The following MKLN1 variants were observed in gnomAD, a reference collection of about 807,000 sequenced individuals.
The protein encoded by MKLN1 is muskelin 1, also known as muskelin.
In MKLN1, 18 loss-of-function variants were observed where a neutral mutation model predicts 99.0. That is an observed-to-expected ratio of 0.18 (90% confidence interval 0.13 to 0.27). MKLN1 has a LOEUF of 0.27. MKLN1 is among the 10% of genes least tolerant of loss of function. The pLI, the probability that MKLN1 is intolerant of heterozygous loss-of-function variation, is 1.00. For missense variants in MKLN1, 621 were observed against 875.9 expected, an observed-to-expected ratio of 0.71 and a Z score of 3.67; for synonymous variants, 288 against 293.2, an observed-to-expected ratio of 0.98 and a Z score of 0.18.
At chr7:131,426,610 A>G (rs945141525) in intron 8 of MKLN1, among the ~76,000 whole-genome samples, 1 of 152,176 alleles carries the variant, frequency 6.6e-6, no homozygotes, top group African/African-American at 2.4e-5. Context: ...TACAGTGCCA[A>G]AAGTGTTTTA....
At chr7:131,209,981 G>A (rs1286842695) in intron 3 of MKLN1, among the ~76,000 whole-genome samples, 2 of 152,160 alleles carry the variant, frequency 1.3e-5, no homozygotes, top group Non-Finnish European at 2.9e-5. Flanking sequence ...TAGTATAGAT[G>A]AGCAGCTGGG....
intron 6 of MKLN1, among the ~76,000 whole-genome samples, chr7:131,400,407 T>C (rs1794497941): frequency 6.6e-6 from 1 of 151,642 alleles, no homozygotes; most frequent in Admixed American, 6.6e-5. Context: ...TGATTGATGA[T>C]GATACTTGCA....
intron 3 of MKLN1, among the ~76,000 whole-genome samples, chr7:131,308,053 A>G (rs1380832966): frequency 1.3e-5 from 2 of 152,140 alleles, no homozygotes; most frequent in Admixed American, 6.5e-5. Context: ...TGCTCTTCTC[A>G]TGATGTGAGT....
intron 1 of MKLN1, among the ~76,000 whole-genome samples, chr7:131,346,520 CAAAA>C (rs57016059): frequency 2.2e-5 from 3 of 137,954 alleles, no homozygotes; most frequent in Admixed American, 7.2e-5. Context: ...GACTCAGTCT[CAAAA>C]AAAAAAAAAA....
chr7:131,144,467 G>A (rs1382702350), intron 2 of MKLN1, among the ~76,000 whole-genome samples: 4 of 146,596 alleles, frequency 2.7e-5, no homozygotes, highest in Non-Finnish European at 6.0e-5. Context: ...GGGTGACAGA[G>A]CAGGACTGTG....
At chr7:131,451,600 T>C (rs1423590821) in intron 12 of MKLN1, among the ~76,000 whole-genome samples, 2 of 152,310 alleles carry the variant, frequency 1.3e-5, no homozygotes, top group East Asian at 3.9e-4. Context: ...TAAACTACAG[T>C]GTAACAATTT....
At chr7:131,156,142 C>T (rs1263434194) in intron 2 of MKLN1, among the ~76,000 whole-genome samples, 1 of 152,046 alleles carries the variant, frequency 6.6e-6, no homozygotes, top group East Asian at 1.9e-4. Context: ...GCGGGTTTTG[C>T]TATTATTTTA....
At chr7:131,355,428 T>TAA (rs1799843740) in intron 1 of MKLN1, among the ~76,000 whole-genome samples, 1 of 151,886 alleles carries the variant, frequency 6.6e-6, no homozygotes, top group South Asian at 2.1e-4. Context: ...TTGCATTTTT[T>TAA]CCAGGTTTAC....
chr7:131,313,949 A>C (rs1465271193), intron 3 of MKLN1, among the ~76,000 whole-genome samples: 1 of 152,364 alleles, frequency 6.6e-6, no homozygotes, highest in South Asian at 2.1e-4. Context: ...GGGAAACTCC[A>C]TGGGACTGGG....
chr7:131,375,149 TTAGTG>T (rs1272036660), intron 1 of MKLN1, among the ~76,000 whole-genome samples: 3 of 152,128 alleles, frequency 2.0e-5, no homozygotes, highest in East Asian at 1.9e-4. Flanking sequence ...ATTTTGTCAC[TTAGTG>T]TAAAGTATTA....
At chr7:131,235,154 G>C (rs1025400968) in intron 3 of MKLN1, among the ~76,000 whole-genome samples, 12 of 152,042 alleles carry the variant, frequency 7.9e-5, no homozygotes, top group Non-Finnish European at 1.8e-4. Flanking sequence ...GACGTAGCTA[G>C]AAAGTCAATC....
At chr7:131,244,491 T>C (rs1242269391) in intron 3 of MKLN1, among the ~76,000 whole-genome samples, 1 of 152,082 alleles carries the variant, frequency 6.6e-6, no homozygotes, top group Non-Finnish European at 1.5e-5. Flanking sequence ...CCTCACTCAT[T>C]AGCGGAACTC....
At chr7:131,183,323 G>A (rs1405479796) in intron 2 of MKLN1, among the ~76,000 whole-genome samples, 1 of 152,158 alleles carries the variant, frequency 6.6e-6, no homozygotes, top group African/African-American at 2.4e-5. Context: ...TGAGACTTAA[G>A]TGCTTTCTGA....
chr7:131,223,841 A>T (rs1797097116), intron 3 of MKLN1, among the ~76,000 whole-genome samples: 1 of 151,624 alleles, frequency 6.6e-6, no homozygotes, highest in South Asian at 2.1e-4. Flanking sequence ...ATCTCGGCTT[A>T]CTCCAGCCTC....
At chr7:131,385,343 CT>C (rs78876928) in intron 2 of MKLN1, among the ~76,000 whole-genome samples, 3,204 of 145,994 alleles carry the variant, frequency 0.022, 93 homozygotes, top group African/African-American at 0.073. Flanking sequence ...GTTTGTATAC[CT>C]TTTTTTTTTT....
intron 4 of MKLN1, among the ~76,000 whole-genome samples, chr7:131,392,761 A>G (rs1377356725): frequency 6.6e-6 from 1 of 152,060 alleles, no homozygotes; most frequent in Admixed American, 6.5e-5. Flanking sequence ...ATGCGCCACC[A>G]TGCCCGGCTA....
intron 12 of MKLN1, among the ~76,000 whole-genome samples, chr7:131,447,170 G>A (rs751642285): frequency 6.6e-6 from 1 of 152,192 alleles, no homozygotes; most frequent in Non-Finnish European, 1.5e-5. Context: ...GGAAGATAGT[G>A]TAAGTGTAGT....
chr7:131,278,390 A>G (rs1331878741), intron 3 of MKLN1, among the ~76,000 whole-genome samples: 1 of 152,060 alleles, frequency 6.6e-6, no homozygotes, highest in African/African-American at 2.4e-5. Context: ...GTGATCCAAT[A>G]ATAACTATAA....
chr7:131,246,038 G>C (rs920646550), intron 3 of MKLN1, among the ~76,000 whole-genome samples: 5 of 152,234 alleles, frequency 3.3e-5, no homozygotes, highest in African/African-American at 1.2e-4. Flanking sequence ...CTGAGAGGCA[G>C]ATCTTGTTCT....
Sources: gnomAD v4.1 joint callset for allele counts (sites outside exome capture counted in the v4.1 genomes callset) on GRCh38, gnomAD v4.1.1 for gene constraint, MANE v1.5 for transcripts, NCBI Gene and HGNC (gene_info 2026-07-23, HGNC 2026-07-21) for gene names.